HDGFL3: variants seen among roughly 807,000 people sequenced by gnomAD.
HDGFL3 encodes the protein HDGF like 3.
Under a neutral mutation model 27.6 loss-of-function variants are expected in HDGFL3, and 6 were observed. The observed-to-expected ratio is 0.22, with a 90% CI of 0.12 to 0.43. The LOEUF is 0.43. Ranked by LOEUF, HDGFL3 falls within the 20% of genes least tolerant of loss-of-function variation. The pLI, the probability that HDGFL3 is intolerant of heterozygous loss-of-function variation, is 1.00. For synonymous variants in HDGFL3, 88 were observed against 88.9 expected (o/e 0.99, Z 0.05); for missense variants, 207 against 250.1 (o/e 0.83, Z 1.16).
rs1381052538 is a variant in HDGFL3 at position 83,134,018 on chromosome 15, C to A, written c.*5252G>T. On this transcript the variant is annotated 3_prime_UTR_variant, in exon 6 of 6. Transcript: ENST00000299633. ...GATTATGAATGTTAAAATTTTTGTG[C>A]CTTGTTTAATAATTCTGAATAAAGA... 1 of 152,068 alleles carries A rather than the reference C, an allele frequency of 6.6e-6. No homozygotes were observed. The highest frequency in any genetic ancestry group is 2.4e-5 in the African/African-American group (1 of 41,390). 9.4% of individuals were successfully genotyped at this position (152,068 alleles called of 1,614,324 possible). A position where few individuals can be genotyped will look rare whatever the true frequency, so the allele number is the denominator to read the frequency against.
At chr15:83,159,265 G>GA (rs922167306) in intron 2 of HDGFL3, among the ~76,000 whole-genome samples, 82 of 151,238 alleles carry the variant, frequency 5.4e-4, no homozygotes, top group African/African-American at 1.8e-3. Context: ...TCACAACCAA[G>GA]AAAAAAAAAG....
rs1318425625 is a variant in HDGFL3, at chr15:83,138,188, T to A, written c.*1082A>T. The stretch of plus-strand genomic sequence containing the variant: ...ATCTTACTCCCAGTACACATTCCAA[T>A]AAATTTATTCTGTAAAAACAATACA... On this transcript the variant is annotated 3_prime_UTR_variant, in exon 6 of 6. Coordinates refer to ENST00000299633, the MANE Select transcript of HDGFL3 (RefSeq NM_016073.4). 6.6e-6 allele frequency: 1 copy of A among 152,564 alleles called. No individual in the cohort carries two copies. Among genetic ancestry groups the A allele is most frequent in the Non-Finnish European group, 1.5e-5 (1 of 67,990 alleles). 9.5% of individuals were successfully genotyped at this position (152,564 alleles called of 1,614,324 possible).
chr15:83,176,815 T>C (rs1268156134), intron 1 of HDGFL3, among the ~76,000 whole-genome samples: 2 of 152,018 alleles, frequency 1.3e-5, no homozygotes, highest in Admixed American at 6.6e-5. Context: ...GCACTGAGAT[T>C]GCAAAAATGC....
At chr15:83,157,600 T>C (rs2037048894) in intron 3 of HDGFL3, 27 bp from the exon 4 acceptor site, 1 of 1,583,594 alleles carries the variant, frequency 6.3e-7, no homozygotes, top group Non-Finnish European at 8.6e-7. Flanking sequence ...TATTAGCTGA[T>C]TACATTTTTG....
At chr15:83,151,192 A>G in intron 5 of HDGFL3, 23 bp downstream of exon 5, 1 of 1,599,832 alleles carries the variant, frequency 6.3e-7, no homozygotes, top group Non-Finnish European at 8.5e-7. Context: ...AGAAGGTAAG[A>G]GAAATTATAA....
At chr15:83,158,088 G>A in intron 2 of HDGFL3, 47 bp from the exon 3 acceptor site, 2 of 1,506,828 alleles carry the variant, frequency 1.3e-6, no homozygotes, top group Non-Finnish European at 1.8e-6. Context: ...ACCTTCAAAG[G>A]TAAGATATTT....
chr15:83,184,892 A>G (rs969607875), intron 1 of HDGFL3: 1 of 152,274 alleles, frequency 6.6e-6, no homozygotes, highest in African/African-American at 2.4e-5. Context: ...AGAATGTGGT[A>G]AAGACCCTTG....
intron 3 of HDGFL3, chr15:83,116,025 A>G: frequency 9.1e-7 from 1 of 1,098,112 alleles, no homozygotes; most frequent in East Asian, 2.4e-5. Context: ...AAATCCTCTC[A>G]TTTAGTGTGA....
chr15:83,157,493 A>G lies in HDGFL3; in HGVS notation c.381T>C (p.Asp127=). The change falls in exon 4 of 6, where the codon GAT becomes GAC. Residue 127 remains aspartate (D), a synonymous_variant. Coordinates refer to ENST00000299633, the MANE Select transcript of HDGFL3 (RefSeq NM_016073.4). Reference sequence around the variant, plus strand: ...TGCCTTTTCCATCTTCTTCTACTCTATCACCTTCTTCCTCACTGCTTGCAT... The same window carrying G: ...TGCCTTTTCCATCTTCTTCTACTCTGTCACCTTCTTCCTCACTGCTTGCAT... ...TADASSEEEG[D]RVEEDGKGKR... The G allele has an allele frequency of 6.2e-7, 1 of 1,613,240 alleles. No homozygotes were observed. Among genetic ancestry groups the G allele is most frequent in the Non-Finnish European group, 8.5e-7 (1 of 1,179,308 alleles).
At chr15:83,198,099 T>C (rs1249672544) in intron 1 of HDGFL3, among the ~76,000 whole-genome samples, 1 of 147,438 alleles carries the variant, frequency 6.8e-6, no homozygotes, top group Non-Finnish European at 1.5e-5. Flanking sequence ...ATATATATAG[T>C]TGTTGATACA....
chr15:83,188,711 GC>G (rs2037475646), intron 1 of HDGFL3, among the ~76,000 whole-genome samples: 1 of 151,692 alleles, frequency 6.6e-6, no homozygotes, highest in Non-Finnish European at 1.5e-5. Flanking sequence ...TCCTTTCATA[GC>G]CCCTCTTCTC....
chr15:83,189,306 T>C (rs955807923), intron 1 of HDGFL3: 3 of 152,088 alleles, frequency 2.0e-5, no homozygotes, highest in African/African-American at 7.2e-5. Context: ...CTTTAAAAAC[T>C]CTAAACTTGT....
chr15:83,172,115 T>C (rs1429973549), intron 1 of HDGFL3, among the ~76,000 whole-genome samples: 1 of 152,214 alleles, frequency 6.6e-6, no homozygotes, highest in Non-Finnish European at 1.5e-5. Flanking sequence ...GCTGTTAATG[T>C]AATAGTATTA....
At chr15:83,151,473 G>T in intron 4 of HDGFL3, 112 bp from the exon 5 acceptor site, 2 of 840,344 alleles carry the variant, frequency 2.4e-6, no homozygotes, top group Non-Finnish European at 3.6e-6. Context: ...GGTTGATAGA[G>T]GATATACTGA....
intron 1 of HDGFL3, among the ~76,000 whole-genome samples, chr15:83,190,103 G>A (rs1270822508): frequency 6.6e-6 from 1 of 151,510 alleles, no homozygotes; most frequent in East Asian, 1.9e-4. Context: ...TAGCTACTTA[G>A]GCACAGAGTC....
rs1459021529 is a variant in HDGFL3, at chr15:83,119,170, TTAA to T, written c.394-3432_394-3430del. ...CAAGCCACGGGATCAGCATGAATTA[TTAA>T]GGCCAGCCACTGGTTCTGGAAAGCA... On this transcript the variant is annotated intron_variant, in intron 3 of 3. Coordinates refer to the HDGFL3 transcript ENST00000568294. Among the ~76,000 whole-genome samples, 12 of 152,334 alleles carry T rather than the reference TTAA, an allele frequency of 7.9e-5. No homozygotes were observed. In the East Asian group the frequency reaches 2.3e-3, roughly 29 times the overall value.
chr15:83,113,209 C>A (rs796141133), exon 4 of HDGFL3: 18 of 434,976 alleles, frequency 4.1e-5, no homozygotes, highest in African/African-American at 1.8e-4. Flanking sequence ...CCTTCCTGGG[C>A]TTCCTGTCTT....
intron 4 of HDGFL3, among the ~76,000 whole-genome samples, chr15:83,155,523 T>C (rs2151401131): frequency 6.6e-6 from 1 of 152,214 alleles, no homozygotes; most frequent in East Asian, 1.9e-4. Context: ...GAAATTCAGC[T>C]TAAAAAAGTA....
At chr15:83,157,077 ATAT>A (rs1254000352) in intron 4 of HDGFL3, among the ~76,000 whole-genome samples, 4 of 152,208 alleles carry the variant, frequency 2.6e-5, no homozygotes, top group Non-Finnish European at 5.9e-5. Flanking sequence ...GTCTTGAATT[ATAT>A]TGTGTTTCCT....
Sources: allele counts gnomAD v4.1 joint callset (sites outside exome capture counted in the v4.1 genomes callset), GRCh38; gene constraint gnomAD v4.1.1; transcripts MANE v1.5; gene names NCBI Gene and HGNC (gene_info 2026-07-23, HGNC 2026-07-21).